DPP4: variants seen among roughly 807,000 people sequenced by gnomAD.
DPP4 encodes ADCP-2.
In DPP4, 93 loss-of-function variants were observed where a neutral mutation model predicts 122.4. That is an observed-to-expected ratio of 0.76 (90% CI 0.64 to 0.90). The LOEUF is 0.90. Ranked by LOEUF, DPP4 falls within the 40% of genes least tolerant of loss-of-function variation. The pLI, the probability that DPP4 is intolerant of heterozygous loss-of-function variation, is 0.00. For missense variants in DPP4, 914 were observed against 907.3 expected, an observed-to-expected ratio of 1.01 and a Z score of -0.09; for synonymous variants, 321 against 302.9, an observed-to-expected ratio of 1.06 and a Z score of -0.62.
At chr2:162,030,043 C>T (rs1019194882) in intron 10 of DPP4, among the ~76,000 whole-genome samples, 8 of 152,216 alleles carry the variant, frequency 5.3e-5, no homozygotes, top group African/African-American at 1.9e-4. Context: ...CCCTACTACA[C>T]ACTGGAGATA....
rs560943799 is a variant in DPP4, at chr2:162,025,136, A to T, written c.888-197T>A. ...TTAAAGTGTAATTTAATTTGGAATG[A>T]AAATTAAAATATATCCAACAGGAAA... On this transcript the variant is annotated intron_variant, in intron 10 of 25. Coordinates refer to ENST00000360534, the MANE Select transcript of DPP4 (RefSeq NM_001935.4). Among the ~76,000 whole-genome samples, 4 of 152,330 alleles carry T rather than the reference A, an allele frequency of 2.6e-5. 1 individual carries two copies. In the East Asian group the frequency reaches 5.8e-4, roughly 22 times the overall value.
chr2:162,016,630 C>A, intron 18 of DPP4, 138 bp downstream of exon 18: 1 of 544,204 alleles, frequency 1.8e-6, no homozygotes, highest in Non-Finnish European at 3.1e-6. Flanking sequence ...TTTCTTGTGA[C>A]AAAACATTTC....
At chr2:162,029,648 G>C (rs560024544) in intron 10 of DPP4, among the ~76,000 whole-genome samples, 4 of 152,330 alleles carry the variant, frequency 2.6e-5, no homozygotes, top group African/African-American at 9.6e-5. Context: ...TAACAGTTCA[G>C]AGAAGACACA....
At chr2:162,024,423 C>A (rs939771568) in intron 11 of DPP4, among the ~76,000 whole-genome samples, 58 of 152,302 alleles carry the variant, frequency 3.8e-4, no homozygotes, top group African/African-American at 1.4e-3. Context: ...TTCACACACA[C>A]TCAGCCAGTT....
Position 161,997,132 on chromosome 2 carries a change from C to T in DPP4, c.2053-1760G>A, listed in dbSNP as rs374959043. ...GGCCTAGTAGGCTTAAAACAAATGC[C>T]CTTCCTCTTCTGTGCAGGCTGGTTC... is the stretch of plus-strand genomic sequence containing the variant. On this transcript the variant is annotated intron_variant, in intron 23 of 25. Coordinates refer to ENST00000360534, the MANE Select transcript of DPP4 (RefSeq NM_001935.4). Among the ~76,000 whole-genome samples, 15 of 152,268 alleles carry T rather than the reference C, an allele frequency of 9.9e-5. No homozygotes were observed. In the South Asian group the frequency reaches 3.1e-3, roughly 32 times the overall value.
chr2:162,036,439 A>G (rs1395803330), intron 8 of DPP4, among the ~76,000 whole-genome samples: 1 of 152,212 alleles, frequency 6.6e-6, no homozygotes, highest in Admixed American at 6.5e-5. Flanking sequence ...CTATCATCTC[A>G]GTTAAGGCTC....
Position 162,073,455 on chromosome 2 carries a change from C to G in DPP4, c.38G>C (p.Gly13Ala). ...GATGATGGTGACAAGCGCAGCAGCA[C>G]CCAGCAGTCCCAGAAGAACCTTCCA... is the stretch of plus-strand genomic sequence containing the variant. The part of the protein sequence containing the change: ...TPWKVLLGLL[G>A]AAALVTIITV... The change falls in exon 2 of 26, where the codon GGT becomes GCT. Residue 13 changes from glycine (G) to alanine (A), a missense_variant. Transcript: ENST00000360534. 6.2e-7 allele frequency: 1 copy of G among 1,614,060 alleles called. No homozygotes were observed. Among genetic ancestry groups the G allele is most frequent in the Non-Finnish European group, 8.5e-7 (1 of 1,180,024 alleles).
In DPP4 at chr2:162,011,914, C is replaced by T. The variant is rs369643133; in HGVS notation, c.1711G>A (p.Glu571Lys). Residue 571 changes from glutamate to lysine, a missense_variant, in exon 20 of 26, where the codon GAA (glutamate) becomes AAA (lysine). Transcript: ENST00000360534. ...TCAAAGCTAGCTACTATAATGTTTT[C>T]TGTGCTTGCAAGGTAAGTGGCCCAG... ...LNWATYLAST[E>K]NIIVASFDGR... The T allele has an allele frequency of 1.5e-5, 24 of 1,613,662 alleles. No individual in the cohort carries two copies. Among genetic ancestry groups the T allele is most frequent in the Non-Finnish European group, 2.0e-5 (24 of 1,179,760 alleles).
At chr2:162,052,902 C>T (rs144736943) in intron 2 of DPP4, among the ~76,000 whole-genome samples, 2 of 152,206 alleles carry the variant, frequency 1.3e-5, no homozygotes, top group African/African-American at 4.8e-5. Flanking sequence ...AGAGAAATGG[C>T]CTTTCATACC....
chr2:161,994,418 A>G lies in DPP4; in HGVS notation c.2199+543T>C, dbSNP rs1700941034. Among the ~76,000 whole-genome samples, 6 of 152,348 alleles carry G rather than the reference A, an allele frequency of 3.9e-5. No individual in the cohort carries two copies. The South Asian group carries it at 1.0e-3, about 26-fold the overall frequency. ...CATAATACGTAGAAATATCCTCTGC[A>G]TAGACAACAACAGCTCTAGCCATTC... On this transcript the variant is annotated intron_variant, in intron 25 of 25. Transcript: ENST00000360534.
At chr2:162,000,889 C>T (rs1024630234) in intron 23 of DPP4, among the ~76,000 whole-genome samples, 1 of 152,174 alleles carries the variant, frequency 6.6e-6, no homozygotes, top group African/African-American at 2.4e-5. Flanking sequence ...AGGCTTATGT[C>T]CTGTCTTCTT....
chr2:162,038,546 G>T, intron 7 of DPP4, 124 bp from the exon 8 acceptor site: 2 of 1,078,612 alleles, frequency 1.9e-6, no homozygotes, highest in Non-Finnish European at 1.3e-6. Context: ...CATTCAAACA[G>T]GAAGAGTCAT....
chr2:162,016,455 T>A (rs1184874308), intron 18 of DPP4, among the ~76,000 whole-genome samples: 1 of 152,230 alleles, frequency 6.6e-6, no homozygotes, highest in African/African-American at 2.4e-5. Context: ...TGCTAGGATG[T>A]CATTAAGTTA....
At chr2:162,064,853 A>G (rs1364552451) in intron 2 of DPP4, among the ~76,000 whole-genome samples, 2 of 152,258 alleles carry the variant, frequency 1.3e-5, no homozygotes, top group Admixed American at 1.3e-4. Context: ...GTTAGGAAAG[A>G]AAGTGAGGAG....
At chr2:162,062,954 T>C (rs1290034098) in intron 2 of DPP4, among the ~76,000 whole-genome samples, 1 of 151,554 alleles carries the variant, frequency 6.6e-6, no homozygotes, top group Non-Finnish European at 1.5e-5. Flanking sequence ...TCACCTTGTC[T>C]GTTGTGTTGA....
At position 162,033,644 on chromosome 2, in the gene DPP4, C is replaced by T. The variant is rs1235328602; in HGVS notation, c.784G>A (p.Val262Met). Reference sequence around the variant, plus strand: ...ACAAAGAACTTTACAGTTGGATTCACAGCTCCTGCCTAGGAAAAAATAATC... The same window carrying T: ...ACAAAGAACTTTACAGTTGGATTCATAGCTCCTGCCTAGGAAAAAATAATC... Reference protein sequence around the residue: ...VRVPYPKAGAVNPTVKFFVVN... With the variant: ...VRVPYPKAGAMNPTVKFFVVN... Residue 262 changes from valine (V) to methionine (M), a missense_variant, in exon 10 of 26, where the codon GTG (valine) becomes ATG (methionine). Val to Met is a conservative substitution (Grantham distance 21). Coordinates refer to ENST00000360534, the MANE Select transcript of DPP4 (RefSeq NM_001935.4). 1 of 1,605,166 alleles carries T rather than the reference C, an allele frequency of 6.2e-7. No homozygotes were observed. Among genetic ancestry groups the T allele is most frequent in the Admixed American group, 1.7e-5 (1 of 59,002 alleles).
chr2:162,063,394 G>T (rs1257785666), intron 2 of DPP4, among the ~76,000 whole-genome samples: 2 of 152,106 alleles, frequency 1.3e-5, no homozygotes, highest in African/African-American at 4.8e-5. Context: ...TGGTATTTGA[G>T]GCCATGGGAG....
At chr2:162,046,607 G>A (rs1453175784) in intron 4 of DPP4, 2 of 469,048 alleles carry the variant, frequency 4.3e-6, no homozygotes, top group Non-Finnish European at 8.3e-6. Context: ...AGAGAGGAGG[G>A]CAGTAATGCT....
chr2:162,011,775 C>T lies in DPP4; in HGVS notation c.1832+18G>A, dbSNP rs1162948188. Reference sequence around the variant, plus strand: ...AAAAAAATCAGATGACCTTTGACTTCATCTCCTAGTCACTCACCTGGCTGC... The same window carrying T: ...AAAAAAATCAGATGACCTTTGACTTTATCTCCTAGTCACTCACCTGGCTGC... On this transcript the variant is annotated intron_variant, in intron 20 of 25. Transcript: ENST00000360534. 6.2e-7 allele frequency: 1 copy of T among 1,610,056 alleles called. No individual in the cohort carries two copies. Among genetic ancestry groups the T allele is most frequent in the South Asian group, 1.1e-5 (1 of 90,726 alleles).
Sources: allele counts gnomAD v4.1 joint callset (sites outside exome capture counted in the v4.1 genomes callset), GRCh38; gene constraint gnomAD v4.1.1; transcripts MANE v1.5; gene names NCBI Gene and HGNC (gene_info 2026-07-23, HGNC 2026-07-21).